INPP5K: variants seen among roughly 807,000 people sequenced by gnomAD.
INPP5K encodes inositol polyphosphate-5-phosphatase K, also known as inositol polyphosphate 5-phosphatase K.
In INPP5K, 35 loss-of-function variants were observed where a neutral mutation model predicts 53.5. The observed-to-expected ratio is 0.65, with a 90% confidence interval of 0.50 to 0.87. The LOEUF (loss-of-function observed/expected upper bound fraction) is 0.87, where lower values mean the gene tolerates loss of function less well. INPP5K is among the 40% of genes least tolerant of loss of function. INPP5K has a pLI of 0.00. For synonymous variants in INPP5K, 253 were observed against 232.8 expected (o/e 1.09, Z -0.79); for missense variants, 550 against 586.2 (o/e 0.94, Z 0.64).
intron 1 of INPP5K, chr17:1,515,535 C>A: frequency 2.0e-6 from 2 of 985,700 alleles, no homozygotes; most frequent in South Asian, 9.4e-5. Context: ...CAGGAACAGC[C>A]TAGCATGAGT....
chr17:1,513,972 C>T lies in INPP5K; in HGVS notation c.52G>A (p.Val18Ile), dbSNP rs755746121. 1.1e-5 allele frequency: 18 copies of T among 1,609,062 alleles called. No homozygotes were observed. Among genetic ancestry groups the T allele is most frequent in the Non-Finnish European group, 1.5e-5 (18 of 1,176,676 alleles). Residue 18 changes from valine to isoleucine, a missense_variant, in exon 2 of 12, where the codon GTC becomes ATC. Coordinates refer to ENST00000421807, the MANE Select transcript of INPP5K (RefSeq NM_016532.4). ...GPKGRRLSIH[V>I]VTWNVASAAP... ...GCCGAAGCCACGTTCCAAGTCACGA[C>T]GTGTATGCTGCGGAAGGGATGCAGA... is the stretch of plus-strand genomic sequence containing the variant.
chr17:1,506,821 C>T (rs539672665), intron 7 of INPP5K, among the ~76,000 whole-genome samples, 159 bp downstream of exon 7: 1 of 152,232 alleles, frequency 6.6e-6, no homozygotes, highest in South Asian at 2.1e-4. Flanking sequence ...CTCCCCGAGT[C>T]AGCGCCTCAT....
At chr17:1,500,451 G>A (rs531430203) in intron 7 of INPP5K, among the ~76,000 whole-genome samples, 2 of 151,228 alleles carry the variant, frequency 1.3e-5, no homozygotes, top group African/African-American at 2.4e-5. Context: ...TGCAAGCTCC[G>A]CCTCCCAGGT....
Position 1,516,556 on chromosome 17 carries a change from T to C in INPP5K, c.-57A>G. 1 of 1,515,324 alleles carries C rather than the reference T, an allele frequency of 6.6e-7. No homozygotes were observed. Among genetic ancestry groups the C allele is most frequent in the Non-Finnish European group, 8.8e-7 (1 of 1,140,064 alleles). 93.9% of individuals were successfully genotyped at this position (1,515,324 alleles called of 1,614,324 possible). The stretch of plus-strand genomic sequence containing the variant: ...AGGTTCGCGTCTCCCGGCCAGCGGG[T>C]CCCGGCCAGAGCAGCCCTGCGGGCG... On this transcript the variant is annotated 5_prime_UTR_variant, in exon 1 of 12. Coordinates refer to ENST00000421807, the MANE Select transcript of INPP5K (RefSeq NM_016532.4).
At chr17:1,503,335 C>T (rs1186086882) in intron 7 of INPP5K, among the ~76,000 whole-genome samples, 1 of 151,990 alleles carries the variant, frequency 6.6e-6, no homozygotes, top group Non-Finnish European at 1.5e-5. Flanking sequence ...AGGTGCCCGC[C>T]ACCATGCCCG....
At chr17:1,496,493 GCTA>G in intron 9 of INPP5K, 91 bp from the exon 10 acceptor site, 5 of 1,332,828 alleles carry the variant, frequency 3.8e-6, no homozygotes, top group Non-Finnish European at 5.3e-6. Context: ...GCTGGGCCTG[GCTA>G]CCGTACTGTG....
chr17:1,513,670 A>G (rs1244139879), intron 2 of INPP5K, 109 bp from the exon 3 acceptor site: 1 of 1,046,284 alleles, frequency 9.6e-7, no homozygotes, highest in Non-Finnish European at 1.5e-6. Flanking sequence ...TCTGATGGCC[A>G]TGAGGTCTCC....
At chr17:1,516,058 C>CA (rs2075427052) in intron 1 of INPP5K, 1 of 1,082,072 alleles carries the variant, frequency 9.2e-7, no homozygotes, top group Non-Finnish European at 1.1e-6. Flanking sequence ...GATCTTATCT[C>CA]AATCTGATTT....
chr17:1,516,593 G>C lies in INPP5K; in HGVS notation c.-94C>G. The C allele has an allele frequency of 7.0e-7, 1 of 1,425,500 alleles. No individual in the cohort carries two copies. The highest frequency in any genetic ancestry group is 9.1e-7 in the Non-Finnish European group (1 of 1,098,136). The allele number at this position is 1,425,500 out of a possible 1,614,324, so 88.3% of individuals were successfully genotyped here. A position where few individuals can be genotyped will look rare whatever the true frequency, so the allele number is the denominator to read the frequency against. ...CAGCCCTGCGGGCGGCCGGTCTCAC[G>C]CGCCTAGCTGTCGCGGACTGTTTTT... On this transcript the variant is annotated 5_prime_UTR_variant, in exon 1 of 12. Coordinates refer to ENST00000421807, the MANE Select transcript of INPP5K (RefSeq NM_016532.4).
chr17:1,495,728 AG>A lies in INPP5K; in HGVS notation c.*94del. 14 of 841,414 alleles carry A rather than the reference AG, an allele frequency of 1.7e-5. No individual in the cohort carries two copies. The highest frequency in any genetic ancestry group is 1.6e-4 in the South Asian group (11 of 68,002). The allele number at this position is 841,414 out of a possible 1,614,324, so 52.1% of individuals were successfully genotyped here. A position where few individuals can be genotyped will look rare whatever the true frequency, so the allele number is the denominator to read the frequency against. ...GTGGACGACACTTGGCTGTCTCTTCAGGGGGCCAGGCTGGGCCCCCAGCACT... is the reference window on the plus strand; with the variant it reads ...GTGGACGACACTTGGCTGTCTCTTCAGGGGCCAGGCTGGGCCCCCAGCACT... On this transcript the variant is annotated 3_prime_UTR_variant, in exon 12 of 12. Coordinates refer to ENST00000421807, the MANE Select transcript of INPP5K (RefSeq NM_016532.4).
At position 1,496,577 on chromosome 17, in the gene INPP5K, C is replaced by A. The variant is rs369144165; in HGVS notation, c.1101+89G>T. 2.0e-5 allele frequency: 31 copies of A among 1,538,586 alleles called. No homozygotes were observed. In the East Asian group the frequency reaches 2.0e-4, roughly 10 times the overall value. ...CCGCTGGGGTGGATGAGGGTGAGTTCGTCAGCATCTGCCCAGCTCCCAGGA... is the reference window on the plus strand; with the variant it reads ...CCGCTGGGGTGGATGAGGGTGAGTTAGTCAGCATCTGCCCAGCTCCCAGGA... On this transcript the variant is annotated intron_variant, in intron 9 of 11. Transcript: ENST00000421807.
In INPP5K at chr17:1,495,747, C is replaced by T. The variant is rs141960028; in HGVS notation, c.*76G>A. The T allele has an allele frequency of 5.8e-5, 64 of 1,108,224 alleles. No individual in the cohort carries two copies. The East Asian group carries it at 1.5e-3, about 26-fold the overall frequency. 68.6% of individuals were successfully genotyped at this position (1,108,224 alleles called of 1,614,324 possible). ...CTCTTCAGGGGGCCAGGCTGGGCCC[C>T]CAGCACTCCCGGCAGTGGAAAGGCA... On this transcript the variant is annotated 3_prime_UTR_variant, in exon 12 of 12. Coordinates refer to ENST00000421807, the MANE Select transcript of INPP5K (RefSeq NM_016532.4).
intron 1 of INPP5K, chr17:1,515,827 G>T: frequency 1.2e-6 from 1 of 848,482 alleles, no homozygotes; most frequent in Non-Finnish European, 1.4e-6. Flanking sequence ...TCCCCCTGCT[G>T]TCCGACAGAG....
At chr17:1,506,779 C>T (rs1280261409) in intron 7 of INPP5K, among the ~76,000 whole-genome samples, 1 of 152,018 alleles carries the variant, frequency 6.6e-6, no homozygotes, top group African/African-American at 2.4e-5. Flanking sequence ...CTGGCACTGG[C>T]TTTCCTCCCA....
At chr17:1,504,165 T>C (rs977259981) in intron 7 of INPP5K, among the ~76,000 whole-genome samples, 1 of 152,198 alleles carries the variant, frequency 6.6e-6, no homozygotes, top group African/African-American at 2.4e-5. Context: ...ACTGTGCTAC[T>C]CCCAGGGATG....
chr17:1,515,843 A>G (rs2075420780), intron 1 of INPP5K: 3 of 914,638 alleles, frequency 3.3e-6, no homozygotes, highest in Non-Finnish European at 3.9e-6. Context: ...CAGAGGCTTA[A>G]GGAACAAAGA....
chr17:1,515,527 G>A, intron 1 of INPP5K: 1 of 985,648 alleles, frequency 1.0e-6, no homozygotes, highest in Non-Finnish European at 1.2e-6. Context: ...GCAGAGACCA[G>A]GAACAGCCTA....
intron 1 of INPP5K, chr17:1,515,371 A>G: frequency 1.1e-6 from 1 of 945,462 alleles, no homozygotes; most frequent in Non-Finnish European, 1.3e-6. Context: ...AGAAAACTAG[A>G]TAAGGGGCCT....
rs2075369198 is a variant in INPP5K at position 1,513,869 on chromosome 17, T to C, written c.152+3A>G. On this transcript the variant is annotated splice_donor_region_variant and intron_variant, in intron 2 of 11. Coordinates refer to ENST00000421807, the MANE Select transcript of INPP5K (RefSeq NM_016532.4). ...ATGGGCGAAGGAGCCTGCAGATACC[T>C]ACCCAATAACATATATGTCAAGATT... The C allele has an allele frequency of 6.2e-7, 1 of 1,605,910 alleles. No homozygotes were observed. The highest frequency in any genetic ancestry group is 2.2e-5 in the East Asian group (1 of 44,778).
Sources: allele counts gnomAD v4.1 joint callset (sites outside exome capture counted in the v4.1 genomes callset), GRCh38; gene constraint gnomAD v4.1.1; transcripts MANE v1.5; gene names NCBI Gene and HGNC (gene_info 2026-07-23, HGNC 2026-07-21).